CDC23: variants seen among roughly 807,000 people sequenced by gnomAD.
CDC23 encodes the protein cell division cycle 23.
CDC23 carries 26 observed loss-of-function variants against 81.7 expected under a neutral mutation model. That is an observed-to-expected ratio of 0.32 (90% CI 0.23 to 0.44). The LOEUF is 0.44. Among genes scored for constraint, CDC23 ranks in the 20% least tolerant of loss-of-function variants. CDC23 has a pLI of 1.00. For synonymous variants in CDC23, 267 were observed against 270.8 expected (o/e 0.99, Z 0.14); for missense variants, 519 against 728.0 (o/e 0.71, Z 3.30).
At chr5:138,203,864 G>A (rs900394809) in intron 3 of CDC23, among the ~76,000 whole-genome samples, 4 of 152,018 alleles carry the variant, frequency 2.6e-5, no homozygotes, top group African/African-American at 9.7e-5. Flanking sequence ...AGTGAGCTGA[G>A]ATCACAACAC....
chr5:138,190,205 C>T, intron 13 of CDC23: 12 of 302,236 alleles, frequency 4.0e-5, no homozygotes, highest in Non-Finnish European at 6.9e-5. Context: ...TGCCTGTAAT[C>T]CCAGCACTTT....
chr5:138,204,622 C>CTTTTTTTTTTTT (rs1485225390), intron 3 of CDC23, among the ~76,000 whole-genome samples: 1 of 135,530 alleles, frequency 7.4e-6, no homozygotes, highest in Non-Finnish European at 1.7e-5. Flanking sequence ...TTCAGACTCT[C>CTTTTTTTTTTTT]TTTTTTCTTT....
chr5:138,191,085 G>A (rs1754821729), intron 13 of CDC23, among the ~76,000 whole-genome samples: 1 of 152,068 alleles, frequency 6.6e-6, no homozygotes. Flanking sequence ...GGAAAGCAAC[G>A]GCCCTCCTTC....
chr5:138,210,488 T>C (rs1755102177), intron 2 of CDC23, among the ~76,000 whole-genome samples: 1 of 152,190 alleles, frequency 6.6e-6, no homozygotes, highest in African/African-American at 2.4e-5. Flanking sequence ...ATCAAACTAC[T>C]GCATTCCAGC....
chr5:138,198,971 T>G (rs1754950684), intron 6 of CDC23, among the ~76,000 whole-genome samples, 189 bp from the exon 7 acceptor site: 4 of 152,194 alleles, frequency 2.6e-5, no homozygotes, highest in African/African-American at 9.6e-5. Flanking sequence ...AACAGCCTAG[T>G]TGGGAAAGGC....
In CDC23 at chr5:138,213,295, G is replaced by A. The variant is rs763361503; in HGVS notation, c.18C>T (p.Ser6=). 4.3e-6 allele frequency: 7 copies of A among 1,613,784 alleles called. No individual in the cohort carries two copies. Among genetic ancestry groups the A allele is most frequent in the African/African-American group, 1.3e-5 (1 of 75,042 alleles). Residue 6 remains serine (S), a synonymous_variant, in exon 1 of 16, where the codon TCC becomes TCT. Coordinates refer to ENST00000394886, the MANE Select transcript of CDC23 (RefSeq NM_004661.4). The stretch of plus-strand genomic sequence containing the variant: ...CCGCCGTCACAGCCACCGGGACCAT[G>A]GAGGTACTCGCAGCCATTTTCCCGA... MAAST[S]MVPVAVTAAV...
At chr5:138,206,276 A>C (rs967897221) in intron 3 of CDC23, 8 of 487,122 alleles carry the variant, frequency 1.6e-5, no homozygotes, top group Non-Finnish European at 2.9e-5. Flanking sequence ...TTACACAATA[A>C]TATTAATTCA....
At chr5:138,201,301 G>C in intron 5 of CDC23, 42 bp downstream of exon 5, 1 of 1,612,958 alleles carries the variant, frequency 6.2e-7, no homozygotes, top group Non-Finnish European at 8.5e-7. Flanking sequence ...TTCTACTCAG[G>C]AGAATATGTT....
intron 3 of CDC23, among the ~76,000 whole-genome samples, chr5:138,205,656 A>G (rs1352736617): frequency 6.6e-6 from 1 of 151,706 alleles, no homozygotes; most frequent in African/African-American, 2.4e-5. Flanking sequence ...ATTTAATACC[A>G]CTGAACTGTA....
intron 9 of CDC23, among the ~76,000 whole-genome samples, chr5:138,193,007 G>A (rs1214291287): frequency 6.6e-6 from 1 of 152,094 alleles, no homozygotes; most frequent in Admixed American, 6.5e-5. Context: ...ACAGCTCACT[G>A]CAGCCTCAAC....
rs1754975943 is a variant in CDC23, at chr5:138,200,552, G to T, written c.654+555C>A. Among the ~76,000 whole-genome samples, 4 of 152,034 alleles carry T rather than the reference G, an allele frequency of 2.6e-5. No homozygotes were observed. The South Asian group carries it at 8.4e-4, about 32-fold the overall frequency. ...TAAGTAACATAGGCTGGGCGTGGTGGTTCATGCCTGTAATCCCAGCACTTT... is the reference window on the plus strand; with the variant it reads ...TAAGTAACATAGGCTGGGCGTGGTGTTTCATGCCTGTAATCCCAGCACTTT... On this transcript the variant is annotated intron_variant, in intron 6 of 15. Transcript: ENST00000394886.
At chr5:138,207,819 T>C (rs896861140) in intron 2 of CDC23, among the ~76,000 whole-genome samples, 10 of 151,812 alleles carry the variant, frequency 6.6e-5, no homozygotes, top group African/African-American at 2.4e-4. Flanking sequence ...TAGTTGGGCA[T>C]GGTACTATGT....
At chr5:138,206,200 T>G in intron 3 of CDC23, 1 of 361,170 alleles carries the variant, frequency 2.8e-6, no homozygotes, top group East Asian at 4.5e-5. Context: ...AAACAATAAA[T>G]ATACTATAAA....
At chr5:138,193,106 T>A (rs1754844139) in intron 9 of CDC23, among the ~76,000 whole-genome samples, 1 of 152,130 alleles carries the variant, frequency 6.6e-6, no homozygotes, top group South Asian at 2.1e-4. Flanking sequence ...ATTTTTAAAT[T>A]TTTTTGTGGA....
chr5:138,208,913 T>A (rs1755082674), intron 2 of CDC23, among the ~76,000 whole-genome samples: 1 of 152,126 alleles, frequency 6.6e-6, no homozygotes, highest in Non-Finnish European at 1.5e-5. Flanking sequence ...CACCTCAGCC[T>A]CTGAAGTCAC....
intron 3 of CDC23, among the ~76,000 whole-genome samples, chr5:138,202,552 G>T (rs1317145609): frequency 4.6e-5 from 7 of 152,186 alleles, no homozygotes; most frequent in African/African-American, 1.4e-4. Context: ...CCAAAGTGTT[G>T]GGATTACAGG....
Position 138,213,080 on chromosome 5 carries a change from A to G in CDC23, c.162-17T>C, listed in dbSNP as rs17228297. ...TCCGCCGACCTGGAACACCCACACA[A>G]ACTAGATCAGCTCGACAAGCCCCCC... On this transcript the variant is annotated splice_polypyrimidine_tract_variant and intron_variant, in intron 1 of 15. Coordinates refer to ENST00000394886, the MANE Select transcript of CDC23 (RefSeq NM_004661.4). 8.7e-6 allele frequency: 14 copies of G among 1,613,906 alleles called. No homozygotes were observed. The East Asian group carries it at 2.9e-4, about 33-fold the overall frequency.
intron 12 of CDC23, 91 bp downstream of exon 12, chr5:138,191,771 A>G: frequency 1.8e-6 from 2 of 1,109,930 alleles, no homozygotes; most frequent in Non-Finnish European, 2.8e-6. Context: ...CACCTAGATC[A>G]GAATAAGGGA....
intron 9 of CDC23, among the ~76,000 whole-genome samples, chr5:138,194,517 C>A (rs1754861855): frequency 6.6e-6 from 1 of 152,064 alleles, no homozygotes; most frequent in Non-Finnish European, 1.5e-5. Flanking sequence ...TATAAAGAAG[C>A]AAAGCAGTGG....
Sources: allele counts gnomAD v4.1 joint callset (sites outside exome capture counted in the v4.1 genomes callset), GRCh38; gene constraint gnomAD v4.1.1; transcripts MANE v1.5; gene names NCBI Gene and HGNC (gene_info 2026-07-23, HGNC 2026-07-21).